ADGRV1: variants seen among roughly 807,000 people sequenced by gnomAD.
ADGRV1 encodes the protein G-protein coupled receptor 98.
Under a neutral mutation model 596.2 loss-of-function variants are expected in ADGRV1, and 359 were observed. That is an observed-to-expected ratio of 0.60 (90% CI 0.55 to 0.66). The LOEUF (loss-of-function observed/expected upper bound fraction) is 0.66. ADGRV1 is among the 30% of genes least tolerant of loss of function. ADGRV1 has a pLI of 0.00. For synonymous variants in ADGRV1, 2,681 were observed against 2,679.2 expected, an observed-to-expected ratio of 1.00 and a Z score of -0.02; for missense variants, 7,274 against 7,575.6, an observed-to-expected ratio of 0.96 and a Z score of 1.48.
At chr5:91,160,928 C>T in intron 89 of ADGRV1, among the ~76,000 whole-genome samples, 1 of 152,146 alleles carries the variant, frequency 6.6e-6, no homozygotes, top group East Asian at 1.9e-4. Flanking sequence ...AACTTGCTTA[C>T]ATATCTTGAG....
intron 70 of ADGRV1, among the ~76,000 whole-genome samples, chr5:90,794,023 T>G (rs1760375529): frequency 6.6e-6 from 1 of 152,184 alleles, no homozygotes; most frequent in African/African-American, 2.4e-5. Context: ...AACGGTTTCT[T>G]TCTTCCCTCT....
chr5:91,036,457 G>A (rs1048059273), intron 85 of ADGRV1, among the ~76,000 whole-genome samples: 3 of 152,066 alleles, frequency 2.0e-5, no homozygotes, highest in African/African-American at 7.2e-5. Flanking sequence ...AGCTACTTGG[G>A]AGGCTGAGGC....
At chr5:90,972,784 T>C (rs1161599833) in intron 84 of ADGRV1, among the ~76,000 whole-genome samples, 1 of 151,858 alleles carries the variant, frequency 6.6e-6, no homozygotes, top group East Asian at 1.9e-4. Flanking sequence ...AACATCACAA[T>C]TAAAGAACTA....
At chr5:90,719,496 C>A (rs1561589706) in intron 43 of ADGRV1, among the ~76,000 whole-genome samples, 1 of 152,164 alleles carries the variant, frequency 6.6e-6, no homozygotes, top group Admixed American at 6.5e-5. Flanking sequence ...TAGAATCATA[C>A]AGTGTGTACT....
chr5:90,690,697 C>G, intron 30 of ADGRV1, 100 bp from the exon 31 acceptor site: 1 of 1,216,434 alleles, frequency 8.2e-7, no homozygotes, highest in Non-Finnish European at 1.2e-6. Flanking sequence ...ACTTAGATTG[C>G]TTAGGGGGGA....
At chr5:91,022,085 A>G (rs1407249694) in intron 85 of ADGRV1, among the ~76,000 whole-genome samples, 1 of 152,084 alleles carries the variant, frequency 6.6e-6, no homozygotes, top group Non-Finnish European at 1.5e-5. Context: ...AAACTTTTTG[A>G]AATTGAAAAA....
At chr5:90,970,030 A>G (rs1029301461) in intron 84 of ADGRV1, among the ~76,000 whole-genome samples, 1 of 152,216 alleles carries the variant, frequency 6.6e-6, no homozygotes, top group African/African-American at 2.4e-5. Context: ...CCACCCTAAT[A>G]CTGCGCTTTT....
intron 82 of ADGRV1, among the ~76,000 whole-genome samples, chr5:90,861,959 A>C (rs6877139): frequency 1.3e-5 from 2 of 152,086 alleles, no homozygotes; most frequent in Admixed American, 6.5e-5. Context: ...CTAGATAACT[A>C]TGATGCGTTA....
At chr5:90,641,683 T>A (rs1766989015) in intron 11 of ADGRV1, among the ~76,000 whole-genome samples, 1 of 152,170 alleles carries the variant, frequency 6.6e-6, no homozygotes, top group South Asian at 2.1e-4. Context: ...GAAGTGAGCT[T>A]TTTTTCTACA....
At chr5:90,937,612 C>T (rs375756093) in intron 83 of ADGRV1, among the ~76,000 whole-genome samples, 143 of 152,242 alleles carry the variant, frequency 9.4e-4, no homozygotes, top group Middle Eastern at 6.8e-3. Context: ...CACCCACCAC[C>T]ACGCCCAGCT....
intron 83 of ADGRV1, among the ~76,000 whole-genome samples, chr5:90,866,317 G>GTGTA (rs1768098267): frequency 1.3e-5 from 2 of 149,178 alleles, no homozygotes; most frequent in Admixed American, 6.7e-5. Flanking sequence ...ATGTGTATAT[G>GTGTA]TGTGTGTGTG....
At chr5:91,018,477 C>T (rs1783360138) in intron 85 of ADGRV1, among the ~76,000 whole-genome samples, 1 of 151,928 alleles carries the variant, frequency 6.6e-6, no homozygotes, top group Non-Finnish European at 1.5e-5. Flanking sequence ...TTATGTTACA[C>T]AGTATCTTGA....
rs141550027 is a variant in ADGRV1, at chr5:91,121,858, C to T, written c.18432+19518C>T. ...GGAAAGAGTTGAGCAACTCTAAAGC[C>T]GTAGCATGCAGCAATTGGTGAAAAA... is the stretch of plus-strand genomic sequence containing the variant. On this transcript the variant is annotated intron_variant, in intron 87 of 89. Transcript: ENST00000405460. 3.0e-3 allele frequency among the ~76,000 whole-genome samples: 455 copies of T among 152,038 alleles called. 2 individuals are homozygous for T. Among genetic ancestry groups the T allele is most frequent in the African/African-American group, 0.011 (443 of 41,470 alleles).
chr5:91,035,824 TGTAA>T (rs1182548920), intron 85 of ADGRV1, among the ~76,000 whole-genome samples: 3 of 91,364 alleles, frequency 3.3e-5, no homozygotes, highest in Admixed American at 1.2e-4. Flanking sequence ...ATATGGATGT[TGTAA>T]GTAATAAATG....
intron 87 of ADGRV1, among the ~76,000 whole-genome samples, chr5:91,130,800 A>T (rs563784006): frequency 1.3e-5 from 2 of 152,278 alleles, no homozygotes; most frequent in South Asian, 4.1e-4. Flanking sequence ...TTTTGGGATC[A>T]CCAGTGTTTA....
chr5:91,146,956 A>G (rs1219569958), intron 87 of ADGRV1, among the ~76,000 whole-genome samples: 1 of 152,076 alleles, frequency 6.6e-6, no homozygotes, highest in African/African-American at 2.4e-5. Context: ...GAGCTCAGGG[A>G]TTCAAGACCA....
chr5:91,082,364 T>A (rs1455375385), intron 86 of ADGRV1, among the ~76,000 whole-genome samples: 15 of 152,186 alleles, frequency 9.9e-5, no homozygotes, highest in Admixed American at 9.2e-4. Flanking sequence ...TCTTACTGTA[T>A]TGCCCAGGAT....
chr5:91,060,077 A>G (rs888930066), intron 85 of ADGRV1, among the ~76,000 whole-genome samples: 2 of 152,198 alleles, frequency 1.3e-5, no homozygotes, highest in Non-Finnish European at 1.5e-5. Context: ...AGAGCTGAGT[A>G]TTGGATTTGA....
At chr5:90,797,156 A>G (rs1354845016) in intron 70 of ADGRV1, among the ~76,000 whole-genome samples, 1 of 152,152 alleles carries the variant, frequency 6.6e-6, no homozygotes, top group African/African-American at 2.4e-5. Flanking sequence ...TAAATGTCCC[A>G]ATTAAAAGAC....
Sources: allele counts gnomAD v4.1 joint callset (sites outside exome capture counted in the v4.1 genomes callset), GRCh38; gene constraint gnomAD v4.1.1; transcripts MANE v1.5; gene names NCBI Gene and HGNC (gene_info 2026-07-23, HGNC 2026-07-21).